Variants in QTGAL observed in about 807,000 individuals in gnomAD.
QTGAL encodes the protein queuosine-tRNA galactosyltransferase.
the QTGAL span, among the ~76,000 whole-genome samples, chr17:82,983,653 C>T: frequency 3.9e-5 from 6 of 152,314 alleles, no homozygotes; most frequent in East Asian, 5.8e-4. Flanking sequence ...GGATGGGCGC[C>T]GCCAGGAACA....
At chr17:83,009,593 C>T in the QTGAL span, among the ~76,000 whole-genome samples, 1 of 152,196 alleles carries the variant, frequency 6.6e-6, no homozygotes. Context: ...TCAGACTCCC[C>T]GTGGATTCGC....
At chr17:83,040,736 T>C in the QTGAL span, among the ~76,000 whole-genome samples, 1 of 152,166 alleles carries the variant, frequency 6.6e-6, no homozygotes, top group African/African-American at 2.4e-5. Flanking sequence ...AAAATATTCT[T>C]GAGCAAGAGA....
At chr17:82,965,680 G>A in the QTGAL span, 1 of 1,611,830 alleles carries the variant, frequency 6.2e-7, no homozygotes, top group Non-Finnish European at 8.5e-7. Flanking sequence ...GGGCCCACGT[G>A]GGAGAACCAC....
the QTGAL span, among the ~76,000 whole-genome samples, chr17:82,964,851 G>A: frequency 2.1e-4 from 17 of 82,812 alleles, no homozygotes; most frequent in South Asian, 1.8e-3. Context: ...ACGGGGACAC[G>A]GACGCCTGCA....
the QTGAL span, among the ~76,000 whole-genome samples, chr17:83,031,790 C>T: frequency 0.049 from 7,507 of 152,292 alleles, 621 homozygotes; most frequent in African/African-American, 0.17. Flanking sequence ...CAGTTGCCAA[C>T]GCTAGAGGTC....
the QTGAL span, among the ~76,000 whole-genome samples, chr17:82,968,324 AGCCCTC>A: frequency 9.9e-3 from 1,500 of 151,954 alleles, 99 homozygotes; most frequent in Admixed American, 0.092. Context: ...AGTCCAGTGG[AGCCCTC>A]ACCAGCAACC....
chr17:83,039,575 ACACACTGCTGG>A, the QTGAL span, among the ~76,000 whole-genome samples: 40 of 130,312 alleles, frequency 3.1e-4, no homozygotes, highest in African/African-American at 1.1e-3. Context: ...CCTGTTCTAG[ACACACTGCTGG>A]GCGCCCACCG....
the QTGAL span, among the ~76,000 whole-genome samples, chr17:82,977,604 C>T: frequency 1.3e-5 from 2 of 152,190 alleles, no homozygotes; most frequent in African/African-American, 2.4e-5. Flanking sequence ...GGGTGCAACT[C>T]GAAACCCACC....
the QTGAL span, among the ~76,000 whole-genome samples, chr17:82,950,578 G>A: frequency 3.9e-5 from 6 of 152,190 alleles, no homozygotes; most frequent in Non-Finnish European, 8.8e-5. Context: ...TTATTCAAAG[G>A]TTTTCATTAC....
At chr17:82,979,465 T>A in the QTGAL span, 1 of 152,222 alleles carries the variant, frequency 6.6e-6, no homozygotes. Flanking sequence ...TAGGTATACG[T>A]TTCTGTAAGT....
chr17:83,019,786 T>G, the QTGAL span, among the ~76,000 whole-genome samples: 1 of 151,788 alleles, frequency 6.6e-6, no homozygotes, highest in Non-Finnish European at 1.5e-5. Context: ...CAGGCTGGAG[T>G]GCAGTGGCGC....
At chr17:83,048,479 G>T in the QTGAL span, 4 of 1,609,658 alleles carry the variant, frequency 2.5e-6, no homozygotes, top group East Asian at 8.9e-5. Context: ...ACCGCCTCTA[G>T]GAGAGGGAGA....
chr17:82,968,177 G>A, the QTGAL span, among the ~76,000 whole-genome samples: 24 of 151,750 alleles, frequency 1.6e-4, no homozygotes, highest in East Asian at 5.8e-4. Flanking sequence ...CCCAGCACCC[G>A]TCCCCGTGTG....
chr17:82,987,870 C>T, the QTGAL span, among the ~76,000 whole-genome samples: 3 of 152,134 alleles, frequency 2.0e-5, no homozygotes, highest in African/African-American at 7.2e-5. Flanking sequence ...GCAGTATGGC[C>T]ATTTTCACGA....
chr17:82,956,831 C>T, the QTGAL span: 2 of 1,531,472 alleles, frequency 1.3e-6, no homozygotes, highest in Non-Finnish European at 8.9e-7. This position sits in a 1 kb window ranked among gnomAD's most constrained non-coding sequence, Gnocchi z 5.7. Flanking sequence ...GAGAGACGCC[C>T]TCAGGGTGCA....
At chr17:82,970,887 GC>G in the QTGAL span, among the ~76,000 whole-genome samples, 5 of 152,298 alleles carry the variant, frequency 3.3e-5, no homozygotes, top group East Asian at 7.7e-4. Flanking sequence ...AGCTGCCTTT[GC>G]GGGGGGCCTC....
At chr17:82,981,104 G>C in the QTGAL span, 1 of 152,206 alleles carries the variant, frequency 6.6e-6, no homozygotes, top group Non-Finnish European at 1.5e-5. Context: ...TATTGCTCTA[G>C]TTACTTAGGA....
the QTGAL span, among the ~76,000 whole-genome samples, chr17:82,950,423 T>C: frequency 6.6e-6 from 1 of 151,420 alleles, no homozygotes; most frequent in Non-Finnish European, 1.5e-5. Context: ...ACTGACGGGG[T>C]TGGAGAGGGG....
chr17:82,981,219 T>C, the QTGAL span: 7 of 152,220 alleles, frequency 4.6e-5, no homozygotes, highest in African/African-American at 1.7e-4. Flanking sequence ...CCTTTAGCAA[T>C]ACAGGGTTTA....
Sources: allele counts gnomAD v4.1 joint callset (sites outside exome capture counted in the v4.1 genomes callset), GRCh38; gene constraint gnomAD v4.1.1; non-coding constraint Gnocchi (gnomAD v3.1); transcripts MANE v1.5; gene names NCBI Gene and HGNC (gene_info 2026-07-23, HGNC 2026-07-21).